Variants in MCF2L observed in about 807,000 individuals in gnomAD.
MCF2L encodes MCF.2 cell line derived transforming sequence like.
In MCF2L, 97 loss-of-function variants were observed where a neutral mutation model predicts 153.4. The ratio of observed to expected loss-of-function variants is 0.63; its 90% CI spans 0.54 to 0.75. MCF2L has a LOEUF of 0.75. Among genes scored for constraint, MCF2L ranks in the 30% least tolerant of loss-of-function variants. MCF2L has a pLI of 0.00. For missense variants in MCF2L, 1,347 were observed against 1,495.2 expected (o/e 0.90, Z 1.64); for synonymous variants, 659 against 632.2 (o/e 1.04, Z -0.64).
At position 113,053,818 on chromosome 13, in the gene MCF2L, T is replaced by A. The variant is rs369425619; in HGVS notation, c.370-6775T>A. 3.3e-5 allele frequency among the ~76,000 whole-genome samples: 5 copies of A among 152,256 alleles called. No homozygotes were observed. The highest frequency in any genetic ancestry group is 1.2e-4 in the African/African-American group (5 of 41,548). ...GTCTCCAGTGATCTTGCCTGTACTC[T>A]CCGCCTCTGCAGAGTGAGGTTTTCA... On this transcript the variant is annotated intron_variant, in intron 4 of 29. Transcript: ENST00000535094. The surrounding 1 kb of genome is among the most constrained non-coding windows in gnomAD (Gnocchi z 4.4).
chr13:113,019,824 T>C (rs2084764719), intron 2 of MCF2L, among the ~76,000 whole-genome samples: 1 of 152,178 alleles, frequency 6.6e-6, no homozygotes, highest in Non-Finnish European at 1.5e-5. Context: ...TTCCGCAGCA[T>C]GGCCATGCCT....
intron 2 of MCF2L, among the ~76,000 whole-genome samples, chr13:113,022,848 T>C (rs2084978887): frequency 1.3e-5 from 2 of 152,116 alleles, no homozygotes; most frequent in South Asian, 4.1e-4. Context: ...CCAGGGCCTC[T>C]TATCATTGGG....
chr13:112,926,668 T>C (rs977859788), intron 2 of MCF2L, among the ~76,000 whole-genome samples: 4 of 152,202 alleles, frequency 2.6e-5, no homozygotes, highest in Non-Finnish European at 5.9e-5. Context: ...TGACAACATA[T>C]ATGAACCCAA....
chr13:112,908,380 T>A (rs2081193733), intron 2 of MCF2L, among the ~76,000 whole-genome samples: 1 of 152,200 alleles, frequency 6.6e-6, no homozygotes. Flanking sequence ...CATCTTTTAA[T>A]TAAAATGGAT....
At chr13:113,059,776 C>T (rs554863464) in intron 4 of MCF2L, among the ~76,000 whole-genome samples, 5 of 152,360 alleles carry the variant, frequency 3.3e-5, no homozygotes, top group African/African-American at 9.6e-5. Flanking sequence ...CAAGTTCCCA[C>T]GCCTTGTAAG....
intron 2 of MCF2L, among the ~76,000 whole-genome samples, chr13:112,931,548 C>T (rs950713759): frequency 6.6e-6 from 1 of 152,154 alleles, no homozygotes; most frequent in Non-Finnish European, 1.5e-5. Context: ...TACAGAAATA[C>T]TGTGCACATC....
At chr13:112,906,738 G>C (rs191435958) in intron 2 of MCF2L, among the ~76,000 whole-genome samples, 36 of 151,704 alleles carry the variant, frequency 2.4e-4, no homozygotes, top group East Asian at 1.5e-3. Context: ...AGAGCAAGAG[G>C]GTTCGCCCAC....
At chr13:112,909,575 T>TA in intron 2 of MCF2L, 1 of 436,762 alleles carries the variant, frequency 2.3e-6, no homozygotes, top group Non-Finnish European at 4.1e-6. Context: ...GAGAGTCTAA[T>TA]AACCAAGAGG....
chr13:112,993,034 T>C lies in MCF2L; in HGVS notation c.80-21729T>C, dbSNP rs1296760676. Among the ~76,000 whole-genome samples the C allele has an allele frequency of 6.6e-6, 1 of 152,090 alleles. No homozygotes were observed. The highest frequency in any genetic ancestry group is 1.5e-5 in the Non-Finnish European group (1 of 68,006). On this transcript the variant is annotated intron_variant, in intron 1 of 29. Transcript: ENST00000535094. This position sits in a 1 kb window ranked among gnomAD's most constrained non-coding sequence, Gnocchi z 4.6. ...GCATCAGGCAGGAGTCCATGGGCCA[T>C]GGGGGTGAGGAGAGAGCGGCTCGCT... is the stretch of plus-strand genomic sequence containing the variant.
chr13:113,044,905 T>C, intron 3 of MCF2L: 1 of 1,611,660 alleles, frequency 6.2e-7, no homozygotes, highest in Admixed American at 1.7e-5. Flanking sequence ...GCCATAAGAC[T>C]GTTTTGGAGG....
At chr13:113,049,648 G>A (rs1401450641) in intron 4 of MCF2L, among the ~76,000 whole-genome samples, 1 of 152,194 alleles carries the variant, frequency 6.6e-6, no homozygotes, top group African/African-American at 2.4e-5. Flanking sequence ...TTTCCAAACA[G>A]GCACAGGCTC....
chr13:112,973,755 G>A (rs927457980), intron 1 of MCF2L, among the ~76,000 whole-genome samples: 1 of 152,200 alleles, frequency 6.6e-6, no homozygotes, highest in African/African-American at 2.4e-5. Context: ...TGCTTGGAGC[G>A]CCCTTCAGGG....
intron 1 of MCF2L, among the ~76,000 whole-genome samples, chr13:113,011,058 T>C (rs2084062504): frequency 6.6e-6 from 1 of 152,196 alleles, no homozygotes; most frequent in African/African-American, 2.4e-5. Flanking sequence ...AATGAAAACT[T>C]ACACACATAA....
intron 26 of MCF2L, chr13:113,090,929 C>A: frequency 8.4e-7 from 1 of 1,193,624 alleles, no homozygotes. Context: ...CATGCCCTCC[C>A]GGCCCCTCCT....
chr13:112,996,684 C>A (rs924726166), intron 1 of MCF2L, among the ~76,000 whole-genome samples: 4 of 152,216 alleles, frequency 2.6e-5, no homozygotes, highest in African/African-American at 7.2e-5. Context: ...CCGATGGTCC[C>A]GAGACTGTCG....
At chr13:113,076,248 A>G (rs2033463840) in intron 12 of MCF2L, 91 bp downstream of exon 12, 1 of 893,730 alleles carries the variant, frequency 1.1e-6, no homozygotes. Flanking sequence ...CATTTAATGA[A>G]TTATTTGTAT....
intron 16 of MCF2L, among the ~76,000 whole-genome samples, chr13:113,081,501 G>A (rs1157626184): frequency 6.6e-6 from 1 of 152,284 alleles, no homozygotes; most frequent in Non-Finnish European, 1.5e-5. Flanking sequence ...GGGGACAAGT[G>A]TAGTGATAAG....
chr13:113,085,297 C>T (rs1280099169), intron 20 of MCF2L, 119 bp downstream of exon 20: 7 of 781,014 alleles, frequency 9.0e-6, no homozygotes, highest in African/African-American at 3.4e-5. Flanking sequence ...GCACCTCTTC[C>T]GAGCCTGTGC....
chr13:112,928,216 C>T (rs888789960), intron 2 of MCF2L, among the ~76,000 whole-genome samples: 12 of 152,172 alleles, frequency 7.9e-5, no homozygotes, highest in East Asian at 1.9e-4. Context: ...GGGTGAAACG[C>T]GGCCGGCCGT....
Sources: gnomAD v4.1 joint callset for allele counts (sites outside exome capture counted in the v4.1 genomes callset) on GRCh38, gnomAD v4.1.1 for gene constraint, Gnocchi (gnomAD v3.1) non-coding constraint, MANE v1.5 for transcripts, NCBI Gene and HGNC (gene_info 2026-07-23, HGNC 2026-07-21) for gene names.